Variants in ZNF484 observed in about 807,000 individuals in gnomAD.
ZNF484 encodes KRAB box containing C2H2 type zinc finger bA526D8.4.
In ZNF484, 11 loss-of-function variants were observed where a neutral mutation model predicts 12.9. The observed-to-expected ratio is 0.85, with a 90% CI of 0.54 to 1.41. The LOEUF (loss-of-function observed/expected upper bound fraction) is 1.41, where lower values mean the gene tolerates loss of function less well. ZNF484 is among the 40% of genes most tolerant of loss of function. The pLI is 0.00. For missense variants in ZNF484, 807 were observed against 1,007.7 expected (o/e 0.80, Z 2.70); for synonymous variants, 289 against 334.1 (o/e 0.86, Z 1.47).
At chr9:92,853,217 T>C (rs1199668289) in intron 4 of ZNF484, among the ~76,000 whole-genome samples, 1 of 152,182 alleles carries the variant, frequency 6.6e-6, no homozygotes, top group Non-Finnish European at 1.5e-5. Flanking sequence ...CAGACATGGT[T>C]GTAGGTGATA....
chr9:92,858,625 A>C (rs1254188642), intron 2 of ZNF484, among the ~76,000 whole-genome samples: 1 of 152,198 alleles, frequency 6.6e-6, no homozygotes, highest in African/African-American at 2.4e-5. Context: ...TAATGCAAAA[A>C]TGGGAGGCAG....
intron 2 of ZNF484, among the ~76,000 whole-genome samples, chr9:92,870,157 TG>T (rs545306719): frequency 3.3e-3 from 495 of 152,236 alleles, no homozygotes; most frequent in Middle Eastern, 0.01. Context: ...ATAGGCACCC[TG>T]GCTAGGGGCC....
chr9:92,848,532 T>C lies in ZNF484; in HGVS notation c.255A>G (p.Gly85=), dbSNP rs1303189690. The change falls in exon 5 of 5, where the codon GGA becomes GGG. Residue 85 remains glycine, a synonymous_variant. Coordinates refer to ENST00000375495, the MANE Select transcript of ZNF484 (RefSeq NM_031486.4). This position sits in a 1 kb window ranked among gnomAD's most constrained non-coding sequence, Gnocchi z 4.1. ...CTTCAGACATCCTCTGTTGTAAAGG[T>C]CCAAAACCAATGTCCCCATCTAAAA... ...QSRPDGDIGF[G]PLQQRMSEEV... The C allele has an allele frequency of 2.5e-6, 4 of 1,586,416 alleles. No homozygotes were observed. The African/African-American group carries it at 5.5e-5, about 22-fold the overall frequency.
At chr9:92,865,828 G>A (rs1857036876) in intron 2 of ZNF484, among the ~76,000 whole-genome samples, 1 of 152,270 alleles carries the variant, frequency 6.6e-6, no homozygotes, top group South Asian at 2.1e-4. Context: ...AGGATCACTT[G>A]AGCCCTGAAA....
rs1857939048 is a variant in ZNF484, at chr9:92,877,938, G to A, written c.-79C>T. 3.4e-6 allele frequency: 5 copies of A among 1,468,674 alleles called. No homozygotes were observed. The highest frequency in any genetic ancestry group is 4.0e-5 in the Admixed American group (2 of 50,330). 91.0% of individuals were successfully genotyped at this position (1,468,674 alleles called of 1,614,324 possible). ...AGGACAGTGGTCATTTGCCTCGGGA[G>A]GTGACTATAGTCGCAAGAACCAGAA... On this transcript the variant is annotated 5_prime_UTR_variant, in exon 1 of 5. Coordinates refer to ENST00000375495, the MANE Select transcript of ZNF484 (RefSeq NM_031486.4).
In ZNF484 at chr9:92,847,755, G is replaced by C. The variant is rs1334951472; in HGVS notation, c.1032C>G (p.Phe344Leu). 1 of 1,613,834 alleles carries C rather than the reference G, an allele frequency of 6.2e-7. No individual in the cohort carries two copies. ...CTCCAGAATGAATTCTCTGGCATCT[G>C]AACAGATCTGACTTCTGGATAAAGG... ...GRAFIQKSDL[F>L]RCQRIHSGEK... The change falls in exon 5 of 5, where the codon TTC (phenylalanine) becomes TTG (leucine). Residue 344 changes from phenylalanine (F) to leucine (L), a missense_variant. Physicochemically the swap from Phe to Leu is conservative, Grantham distance 22. Transcript: ENST00000375495.
chr9:92,860,885 G>A (rs1450208212), intron 2 of ZNF484, among the ~76,000 whole-genome samples: 2 of 152,166 alleles, frequency 1.3e-5, no homozygotes, highest in East Asian at 1.9e-4. Flanking sequence ...AATAGAGAGT[G>A]GAGGATGGAT....
At chr9:92,873,637 C>T (rs1200417184) in intron 2 of ZNF484, among the ~76,000 whole-genome samples, 1 of 152,018 alleles carries the variant, frequency 6.6e-6, no homozygotes, top group African/African-American at 2.4e-5. Flanking sequence ...TTCCAGAAAA[C>T]AGAAGAGAAG....
chr9:92,877,074 A>G (rs577712114), intron 1 of ZNF484, among the ~76,000 whole-genome samples: 1 of 152,286 alleles, frequency 6.6e-6, no homozygotes, highest in East Asian at 1.9e-4. Context: ...TAATTTGGGA[A>G]TGAATAAACT....
At chr9:92,857,678 A>G (rs1432274192) in intron 2 of ZNF484, among the ~76,000 whole-genome samples, 10 of 152,132 alleles carry the variant, frequency 6.6e-5, no homozygotes, top group Non-Finnish European at 1.3e-4. Flanking sequence ...TTCAACATCA[A>G]CAGTGCCTGA....
intron 1 of ZNF484, among the ~76,000 whole-genome samples, 192 bp from the exon 2 acceptor site, chr9:92,875,251 T>C (rs557147802): frequency 1.8e-4 from 28 of 152,276 alleles, no homozygotes; most frequent in Non-Finnish European, 2.6e-4. Context: ...ACATGGTTAA[T>C]AAAAAAGAAA....
At chr9:92,866,684 A>G (rs1444506416) in intron 2 of ZNF484, among the ~76,000 whole-genome samples, 3 of 152,222 alleles carry the variant, frequency 2.0e-5, no homozygotes, top group Non-Finnish European at 4.4e-5. Context: ...ATAAAGACAC[A>G]TGCACACGTA....
chr9:92,867,355 G>A (rs1427853876), intron 2 of ZNF484, among the ~76,000 whole-genome samples: 2 of 152,082 alleles, frequency 1.3e-5, no homozygotes, highest in Non-Finnish European at 2.9e-5. Context: ...GGTGGCAGGC[G>A]CCTGTAGTCC....
At position 92,847,144 on chromosome 9, in the gene ZNF484, C is replaced by G; in HGVS notation, c.1643G>C (p.Gly548Ala). 1 of 1,614,088 alleles carries G rather than the reference C, an allele frequency of 6.2e-7. No individual in the cohort carries two copies. The highest frequency in any genetic ancestry group is 8.5e-7 in the Non-Finnish European group (1 of 1,180,006). Residue 548 changes from glycine (G) to alanine (A), a missense_variant, in exon 5 of 5, where the codon GGA (glycine) becomes GCA (alanine). Physicochemically the swap from Gly to Ala is moderately conservative, Grantham distance 60 (BLOSUM62 0). Transcript: ENST00000375495. ...RLRIHQKCHT[G>A]ERHYECSECG... The stretch of plus-strand genomic sequence containing the variant: ...TTCACTGCATTCATAATGTCTCTCT[C>G]CAGTATGACACTTCTGATGTATCCT...
At position 92,877,909 on chromosome 9, in the gene ZNF484, T is replaced by TCTCAGGACAGTGGTCATTTGC; in HGVS notation, c.-71_-51dup. The TCTCAGGACAGTGGTCATTTGC allele has an allele frequency of 6.5e-7, 1 of 1,529,140 alleles. No homozygotes were observed. The highest frequency in any genetic ancestry group is 8.8e-7 in the Non-Finnish European group (1 of 1,141,078). The allele number at this position is 1,529,140 out of a possible 1,614,324, so 94.7% of individuals were successfully genotyped here. A position where few individuals can be genotyped will look rare whatever the true frequency, so the allele number is the denominator to read the frequency against. ...ACTCACCTGCCCCTCACCCACGTCCTCTCAGGACAGTGGTCATTTGCCTCG... is the reference window on the plus strand; with the variant it reads ...ACTCACCTGCCCCTCACCCACGTCCTCTCAGGACAGTGGTCATTTGCCTCAGGACAGTGGTCATTTGCCTCG... On this transcript the variant is annotated 5_prime_UTR_variant, in exon 1 of 5. The change creates a new upstream start codon in the 5' untranslated region. Transcript: ENST00000375495.
At chr9:92,860,855 A>G (rs367647061) in intron 2 of ZNF484, among the ~76,000 whole-genome samples, 21 of 152,180 alleles carry the variant, frequency 1.4e-4, no homozygotes, top group African/African-American at 5.1e-4. Flanking sequence ...ACAGCAAAGA[A>G]GAAGTAGCTA....
Position 92,847,758 on chromosome 9 carries a change from C to A in ZNF484, c.1029G>T (p.Leu343=). 6.2e-7 allele frequency: 1 copy of A among 1,613,886 alleles called. No homozygotes were observed. The highest frequency in any genetic ancestry group is 1.1e-5 in the South Asian group (1 of 91,084). ...YGRAFIQKSD[L]FRCQRIHSGE... is the part of the protein sequence containing the mutation. ...CAGAATGAATTCTCTGGCATCTGAACAGATCTGACTTCTGGATAAAGGCTC... is the reference window on the plus strand; with the variant it reads ...CAGAATGAATTCTCTGGCATCTGAAAAGATCTGACTTCTGGATAAAGGCTC... Residue 343 remains leucine (L), a synonymous_variant, in exon 5 of 5, where the codon CTG becomes CTT. Coordinates refer to ENST00000375495, the MANE Select transcript of ZNF484 (RefSeq NM_031486.4).
rs974368673 is a variant in ZNF484, at chr9:92,847,173, C to A, written c.1614G>T (p.Arg538=). ...DCGKSFTWKS[R]LRIHQKCHTG... ...TATGACACTTCTGATGTATCCTGAG[C>A]CGAGACTTCCAGGTGAATGATTTTC... Residue 538 remains arginine, a synonymous_variant, in exon 5 of 5, where the codon CGG becomes CGT. Coordinates refer to ENST00000375495, the MANE Select transcript of ZNF484 (RefSeq NM_031486.4). 6.2e-7 allele frequency: 1 copy of A among 1,613,708 alleles called. No homozygotes were observed. Among genetic ancestry groups the A allele is most frequent in the Non-Finnish European group, 8.5e-7 (1 of 1,179,954 alleles).
chr9:92,847,369 C>A lies in ZNF484; in HGVS notation c.1418G>T (p.Cys473Phe), dbSNP rs1210498240. The change falls in exon 5 of 5, where the codon TGT becomes TTT. Residue 473 changes from cysteine (C) to phenylalanine (F), a missense_variant. Coordinates refer to ENST00000375495, the MANE Select transcript of ZNF484 (RefSeq NM_031486.4). ...TGENPFICSECGKVFTHKTNL... is the reference protein window; with the variant it reads ...TGENPFICSEFGKVFTHKTNL... ...TGTCTTGTGAGTGAAGACCTTCCCA[C>A]ATTCTGAACATATAAAGGGATTCTC... is the stretch of plus-strand genomic sequence containing the variant. 1.9e-6 allele frequency: 3 copies of A among 1,613,662 alleles called. No individual in the cohort carries two copies. The highest frequency in any genetic ancestry group is 2.7e-5 in the African/African-American group (2 of 74,886).
Sources: gnomAD v4.1 joint callset for allele counts (sites outside exome capture counted in the v4.1 genomes callset) on GRCh38, gnomAD v4.1.1 for gene constraint, Gnocchi (gnomAD v3.1) non-coding constraint, MANE v1.5 for transcripts, NCBI Gene and HGNC (gene_info 2026-07-23, HGNC 2026-07-21) for gene names.